Variants in RALGPS2 observed in about 807,000 individuals in gnomAD.
RALGPS2 encodes the protein Ral GEF with PH domain and SH3 binding motif 2.
Under a neutral mutation model 86.8 loss-of-function variants are expected in RALGPS2, and 43 were observed. That is an observed-to-expected ratio of 0.50 (90% CI 0.39 to 0.64). The LOEUF (loss-of-function observed/expected upper bound fraction) is 0.64, where lower values mean the gene tolerates loss of function less well. Ranked by LOEUF, RALGPS2 falls within the 30% of genes least tolerant of loss-of-function variation. The pLI is 0.00. For synonymous variants in RALGPS2, 243 were observed against 231.3 expected (o/e 1.05, Z -0.46); for missense variants, 536 against 694.6 (o/e 0.77, Z 2.57).
chr1:178,881,133 CA>C (rs1490296610), intron 10 of RALGPS2, among the ~76,000 whole-genome samples: 1 of 151,998 alleles, frequency 6.6e-6, no homozygotes, highest in African/African-American at 2.4e-5. Context: ...GATACATCCA[CA>C]AAACAGATGA....
chr1:178,872,944 A>C (rs2102355318), intron 8 of RALGPS2, among the ~76,000 whole-genome samples: 1 of 152,334 alleles, frequency 6.6e-6, no homozygotes, highest in African/African-American at 2.4e-5. Flanking sequence ...GAGAAAGTAC[A>C]TGTAGAATGT....
intron 19 of RALGPS2, among the ~76,000 whole-genome samples, chr1:178,912,738 G>T (rs1294114940): frequency 6.6e-6 from 1 of 152,120 alleles, no homozygotes; most frequent in African/African-American, 2.4e-5. Context: ...GCAAGATTGG[G>T]ATAATTTTTG....
intron 1 of RALGPS2, among the ~76,000 whole-genome samples, chr1:178,767,241 G>A (rs1652547937): frequency 1.3e-5 from 2 of 152,060 alleles, no homozygotes; most frequent in Non-Finnish European, 2.9e-5. Context: ...AATTGCTGGG[G>A]AACCAATGTA....
chr1:178,899,964 G>A (rs540946503), intron 17 of RALGPS2, among the ~76,000 whole-genome samples: 1 of 152,008 alleles, frequency 6.6e-6, no homozygotes, highest in East Asian at 1.9e-4. Flanking sequence ...CAATTTCTTA[G>A]AAATGACAAT....
Position 178,755,057 on chromosome 1 carries a change from C to A in RALGPS2, c.-83-21625C>A, listed in dbSNP as rs554442746. On this transcript the variant is annotated intron_variant, in intron 1 of 19. Coordinates refer to ENST00000367635, the MANE Select transcript of RALGPS2 (RefSeq NM_152663.5). ...TCAGGTGATGTGCCTGTCTTGGCCT[C>A]CTAAAGTGCTGAGATTACAGGCATG... Among the ~76,000 whole-genome samples the A allele has an allele frequency of 3.9e-5, 6 of 152,346 alleles. No homozygotes were observed. The South Asian group carries it at 1.2e-3, about 32-fold the overall frequency.
intron 1 of RALGPS2, among the ~76,000 whole-genome samples, chr1:178,759,146 A>G (rs896575952): frequency 6.6e-6 from 1 of 152,204 alleles, no homozygotes; most frequent in Non-Finnish European, 1.5e-5. Context: ...ATTTTCTCCC[A>G]GACCAATGCT....
chr1:178,915,959 A>C (rs757288171), intron 19 of RALGPS2, among the ~76,000 whole-genome samples: 11 of 152,252 alleles, frequency 7.2e-5, no homozygotes, highest in Non-Finnish European at 1.5e-4. Context: ...TATAATGAGA[A>C]AATAAATAAT....
chr1:178,855,093 A>G (rs1265976859), intron 8 of RALGPS2, among the ~76,000 whole-genome samples: 1 of 152,128 alleles, frequency 6.6e-6, no homozygotes. Flanking sequence ...GTTCTTAACA[A>G]GAATTTCTGT....
chr1:178,774,070 G>T (rs1249472972), intron 1 of RALGPS2, among the ~76,000 whole-genome samples: 1 of 152,026 alleles, frequency 6.6e-6, no homozygotes, highest in Non-Finnish European at 1.5e-5. Flanking sequence ...GTGAAACCCT[G>T]TCTCTACAGC....
chr1:178,810,341 C>T (rs1025594848), intron 5 of RALGPS2, among the ~76,000 whole-genome samples: 6 of 152,126 alleles, frequency 3.9e-5, no homozygotes, highest in African/African-American at 1.4e-4. Flanking sequence ...TAGCCGAGAT[C>T]ACCCCACTAC....
At chr1:178,783,382 A>C (rs980752486) in intron 2 of RALGPS2, among the ~76,000 whole-genome samples, 3 of 152,210 alleles carry the variant, frequency 2.0e-5, no homozygotes, top group Non-Finnish European at 4.4e-5. Context: ...GACAGTGACA[A>C]AAGGTGTAGC....
At chr1:178,739,661 A>T (rs1444731498) in intron 1 of RALGPS2, among the ~76,000 whole-genome samples, 1 of 152,196 alleles carries the variant, frequency 6.6e-6, no homozygotes, top group African/African-American at 2.4e-5. Context: ...TTAGAATTGA[A>T]ATGATAGTAC....
At chr1:178,910,786 GGGA>G (rs1203145125) in intron 19 of RALGPS2, among the ~76,000 whole-genome samples, 1 of 152,130 alleles carries the variant, frequency 6.6e-6, no homozygotes, top group Non-Finnish European at 1.5e-5. Context: ...GAATGAGTTA[GGGA>G]GGAGTCTTTT....
intron 8 of RALGPS2, among the ~76,000 whole-genome samples, chr1:178,836,370 A>G (rs1278253703): frequency 1.3e-5 from 2 of 152,150 alleles, no homozygotes; most frequent in African/African-American, 4.8e-5. Context: ...ATCATCTCCA[A>G]TGACTCCTTC....
In RALGPS2 at chr1:178,859,743, G is replaced by C. The variant is rs573167591; in HGVS notation, c.608-17755G>C. 1.5e-3 allele frequency among the ~76,000 whole-genome samples: 206 copies of C among 133,980 alleles called. 1 individual carries two copies. The highest frequency in any genetic ancestry group is 5.5e-3 in the African/African-American group (190 of 34,612). 87.9% of individuals were successfully genotyped at this position (133,980 alleles called of 152,430 possible). ...AGACGGAGTCTCGCTCTGTCGCCAG[G>C]CTGGAGTGCAGTGTCGCGATCTCGG... On this transcript the variant is annotated intron_variant, in intron 8 of 19. Coordinates refer to ENST00000367635, the MANE Select transcript of RALGPS2 (RefSeq NM_152663.5).
chr1:178,870,414 A>G (rs114040281), intron 8 of RALGPS2, among the ~76,000 whole-genome samples: 6 of 152,166 alleles, frequency 3.9e-5, no homozygotes. Flanking sequence ...TGTAAGCCTT[A>G]TACATTTAAT....
intron 7 of RALGPS2, among the ~76,000 whole-genome samples, chr1:178,831,003 C>A (rs1024100500): frequency 1.3e-5 from 2 of 152,174 alleles, no homozygotes; most frequent in East Asian, 3.8e-4. Flanking sequence ...CCCACAACTT[C>A]ATGGATGAAG....
intron 1 of RALGPS2, among the ~76,000 whole-genome samples, chr1:178,745,243 G>T (rs879825277): frequency 4.6e-5 from 7 of 151,790 alleles, no homozygotes; most frequent in Non-Finnish European, 1.0e-4. Flanking sequence ...CTTTTTTGGC[G>T]GTGGGGTGGG....
At chr1:178,863,601 A>G (rs1658179273) in intron 8 of RALGPS2, among the ~76,000 whole-genome samples, 2 of 152,208 alleles carry the variant, frequency 1.3e-5, no homozygotes, top group African/African-American at 2.4e-5. Flanking sequence ...ATGTGAGGTA[A>G]TGGTGAAATA....
Sources: gnomAD v4.1 joint callset for allele counts (sites outside exome capture counted in the v4.1 genomes callset) on GRCh38, gnomAD v4.1.1 for gene constraint, MANE v1.5 for transcripts, NCBI Gene and HGNC (gene_info 2026-07-23, HGNC 2026-07-21) for gene names.